Variants in ZCWPW2 observed in about 807,000 individuals in gnomAD.
ZCWPW2 encodes the protein zinc finger CW-type PWWP domain protein 2.
ZCWPW2 carries 45 observed loss-of-function variants against 46.6 expected under a neutral mutation model. That is an observed-to-expected ratio of 0.96 (90% CI 0.76 to 1.24). ZCWPW2 has a LOEUF of 1.24. Among genes scored for constraint, ZCWPW2 ranks in the 50% most tolerant of loss-of-function variants. ZCWPW2 has a pLI of 0.00. For synonymous variants in ZCWPW2, 152 were observed against 137.1 expected (o/e 1.11, Z -0.76); for missense variants, 429 against 403.9 (o/e 1.06, Z -0.53).
chr3:28,519,584 T>C (rs1700664426), intron 8 of ZCWPW2, among the ~76,000 whole-genome samples: 2 of 152,202 alleles, frequency 1.3e-5, no homozygotes. Context: ...TTATGTCCTG[T>C]TTGGGTATTT....
At chr3:28,411,980 C>T (rs1464354319) in intron 2 of ZCWPW2, among the ~76,000 whole-genome samples, 1 of 151,922 alleles carries the variant, frequency 6.6e-6, no homozygotes, top group Non-Finnish European at 1.5e-5. Context: ...AATTTTCGAA[C>T]TATGGCTATT....
chr3:28,472,168 C>G (rs996301169), intron 4 of ZCWPW2, among the ~76,000 whole-genome samples: 9 of 152,114 alleles, frequency 5.9e-5, no homozygotes, highest in African/African-American at 2.2e-4. Flanking sequence ...TCTACAGATT[C>G]AATGCAATCC....
intron 1 of ZCWPW2, among the ~76,000 whole-genome samples, chr3:28,381,913 C>G (rs923005850): frequency 6.6e-6 from 1 of 152,022 alleles, no homozygotes; most frequent in African/African-American, 2.4e-5. Context: ...ACCTCTAATC[C>G]CAGCAATAGG....
intron 6 of ZCWPW2, among the ~76,000 whole-genome samples, chr3:28,508,754 C>G (rs1485291695): frequency 2.0e-5 from 3 of 152,172 alleles, no homozygotes; most frequent in Non-Finnish European, 2.9e-5. Context: ...TCTTGAACTC[C>G]TGACCTCAAG....
intron 4 of ZCWPW2, among the ~76,000 whole-genome samples, chr3:28,463,552 T>G (rs1698719962): frequency 6.6e-6 from 1 of 152,164 alleles, no homozygotes; most frequent in South Asian, 2.1e-4. Context: ...CTTTAGAACC[T>G]CAAGCTAAGT....
At position 28,454,572 on chromosome 3, in the gene ZCWPW2, C is replaced by T. The variant is rs371084915; in HGVS notation, c.492+19303C>T. ...TGCCATGGTGGTTTGCAGCACAGGTCATCCCATCACCCAGGTATTAAGCCC... is the reference window on the plus strand; with the variant it reads ...TGCCATGGTGGTTTGCAGCACAGGTTATCCCATCACCCAGGTATTAAGCCC... On this transcript the variant is annotated intron_variant, in intron 4 of 9. Transcript: ENST00000383768. 6.7e-4 allele frequency among the ~76,000 whole-genome samples: 102 copies of T among 152,264 alleles called. 2 individuals are homozygous for T. Among genetic ancestry groups the T allele is most frequent in the African/African-American group, 2.3e-3 (95 of 41,556 alleles).
chr3:28,396,862 C>T (rs1559487450), intron 2 of ZCWPW2, among the ~76,000 whole-genome samples: 1 of 152,200 alleles, frequency 6.6e-6, no homozygotes, highest in East Asian at 1.9e-4. Flanking sequence ...GGTGCAGTGG[C>T]TCACACCTGT....
At chr3:28,431,916 G>A (rs923428394) in intron 3 of ZCWPW2, among the ~76,000 whole-genome samples, 2 of 152,166 alleles carry the variant, frequency 1.3e-5, no homozygotes, top group African/African-American at 4.8e-5. Flanking sequence ...AATCATGGTG[G>A]AAGGGGAAGC....
intron 4 of ZCWPW2, among the ~76,000 whole-genome samples, chr3:28,475,531 G>T (rs1311657137): frequency 1.3e-5 from 2 of 152,108 alleles, no homozygotes; most frequent in African/African-American, 2.4e-5. Context: ...CTCTGCCATG[G>T]TGCCATTTTC....
At chr3:28,436,314 C>CT (rs896044426) in intron 4 of ZCWPW2, among the ~76,000 whole-genome samples, 11 of 101,392 alleles carry the variant, frequency 1.1e-4, no homozygotes, top group African/African-American at 3.7e-4. Context: ...TGAATATTTT[C>CT]TTTTTTTTCT....
chr3:28,421,813 A>G (rs1284356831), intron 3 of ZCWPW2, among the ~76,000 whole-genome samples: 1 of 149,280 alleles, frequency 6.7e-6, no homozygotes, highest in Non-Finnish European at 1.5e-5. Context: ...TCTTGTTGAG[A>G]ACCATATGTT....
chr3:28,348,870 C>T lies in ZCWPW2; in HGVS notation c.-467C>T, dbSNP rs997333274. On this transcript the variant is annotated 5_prime_UTR_variant, in exon 1 of 10. Coordinates refer to ENST00000383768, the MANE Select transcript of ZCWPW2 (RefSeq NM_001040432.4). The stretch of plus-strand genomic sequence containing the variant: ...GGCCGGGCCGACGCGAGAGAAGGCC[C>T]GTTACCCAGCAATACGCGCGCGAGA... The T allele has an allele frequency of 1.6e-4, 136 of 844,618 alleles. No individual in the cohort carries two copies. The African/African-American group carries it at 2.4e-3, about 15-fold the overall frequency. 52.3% of individuals were successfully genotyped at this position (844,618 alleles called of 1,614,324 possible).
intron 3 of ZCWPW2, among the ~76,000 whole-genome samples, chr3:28,433,790 A>T (rs1223215657): frequency 6.7e-6 from 1 of 149,886 alleles, no homozygotes; most frequent in African/African-American, 2.4e-5. Flanking sequence ...AAAACAAAAA[A>T]AACTTACTTC....
chr3:28,491,346 T>G (rs1402846498), intron 5 of ZCWPW2, among the ~76,000 whole-genome samples: 1 of 152,152 alleles, frequency 6.6e-6, no homozygotes, highest in Non-Finnish European at 1.5e-5. Flanking sequence ...TTGTAACCAA[T>G]AGATACATAT....
At chr3:28,414,393 G>A (rs117584994) in intron 3 of ZCWPW2, among the ~76,000 whole-genome samples, 2 of 150,606 alleles carry the variant, frequency 1.3e-5, no homozygotes, top group Non-Finnish European at 3.0e-5. Context: ...CAGGTTTGTT[G>A]TATAGGGAAA....
chr3:28,472,113 T>C (rs1699059506), intron 4 of ZCWPW2, among the ~76,000 whole-genome samples: 1 of 152,126 alleles, frequency 6.6e-6, no homozygotes, highest in Non-Finnish European at 1.5e-5. Context: ...TGTTTATGGA[T>C]TGTAAGAATC....
intron 1 of ZCWPW2, among the ~76,000 whole-genome samples, 196 bp downstream of exon 1, chr3:28,349,399 C>A (rs927093221): frequency 4.6e-5 from 7 of 152,274 alleles, no homozygotes; most frequent in Admixed American, 4.6e-4. Context: ...AGAAGCCGTT[C>A]CTCTGTAGCC....
intron 1 of ZCWPW2, among the ~76,000 whole-genome samples, chr3:28,379,328 A>T (rs576114504): frequency 1.5e-4 from 23 of 152,336 alleles, no homozygotes; most frequent in African/African-American, 5.1e-4. Flanking sequence ...GATTTAGAAT[A>T]ATCACTGAGG....
intron 2 of ZCWPW2, among the ~76,000 whole-genome samples, chr3:28,396,665 A>T (rs1440064339): frequency 2.6e-5 from 4 of 152,364 alleles, no homozygotes; most frequent in African/African-American, 9.6e-5. Context: ...GCAGCTAAAA[A>T]TGGATATATA....
Sources: gnomAD v4.1 joint callset for allele counts (sites outside exome capture counted in the v4.1 genomes callset) on GRCh38, gnomAD v4.1.1 for gene constraint, MANE v1.5 for transcripts, NCBI Gene and HGNC (gene_info 2026-07-23, HGNC 2026-07-21) for gene names.